Variants in MCU observed in about 807,000 individuals in gnomAD.
MCU encodes the protein calcium uniporter protein, mitochondrial.
In MCU, 12 loss-of-function variants were observed where a neutral mutation model predicts 45.2. The observed-to-expected ratio is 0.27, with a 90% CI of 0.17 to 0.43. The LOEUF is 0.43. Among genes scored for constraint, MCU ranks in the 20% least tolerant of loss-of-function variants. The pLI is 1.00. For synonymous variants in MCU, 160 were observed against 165.1 expected (o/e 0.97, Z 0.24); for missense variants, 324 against 436.7 (o/e 0.74, Z 2.30).
At chr10:72,789,835 T>G (rs1456096652) in intron 1 of MCU, among the ~76,000 whole-genome samples, 1 of 152,234 alleles carries the variant, frequency 6.6e-6, no homozygotes, top group Non-Finnish European at 1.5e-5. Context: ...ATCTACTTTC[T>G]GGCATGAAAG....
intron 2 of MCU, among the ~76,000 whole-genome samples, chr10:72,840,628 A>C (rs1354930354): frequency 2.0e-5 from 3 of 152,212 alleles, no homozygotes; most frequent in Non-Finnish European, 4.4e-5. Context: ...CTTGACAACA[A>C]AAAAGAAATG....
At chr10:72,821,797 G>A (rs1285477470) in intron 1 of MCU, among the ~76,000 whole-genome samples, 1 of 152,082 alleles carries the variant, frequency 6.6e-6, no homozygotes, top group Non-Finnish European at 1.5e-5. Flanking sequence ...AGGTATTACA[G>A]GGTTCTTGCT....
intron 4 of MCU, among the ~76,000 whole-genome samples, chr10:72,865,771 T>TTG (rs1554828842): frequency 2.7e-5 from 4 of 149,996 alleles, no homozygotes; most frequent in African/African-American, 9.9e-5. Flanking sequence ...TTGTTTTTTT[T>TTG]TTTGTTTTTT....
At chr10:72,715,799 C>G (rs1842949288) in intron 1 of MCU, 1 of 871,484 alleles carries the variant, frequency 1.1e-6, no homozygotes, top group African/African-American at 1.8e-5. Context: ...ATTAACACAT[C>G]CCCTGTATGT....
intron 1 of MCU, among the ~76,000 whole-genome samples, chr10:72,769,184 G>A (rs1843770778): frequency 6.6e-6 from 1 of 152,054 alleles, no homozygotes; most frequent in African/African-American, 2.4e-5. Context: ...CTTGATCTTA[G>A]TGTCAGTGGA....
intron 1 of MCU, among the ~76,000 whole-genome samples, chr10:72,713,854 T>A (rs1403670614): frequency 6.6e-6 from 1 of 152,080 alleles, no homozygotes; most frequent in African/African-American, 2.4e-5. Flanking sequence ...TTAAAAAATG[T>A]TTCTTATTTC....
At chr10:72,749,123 ATGT>A (rs1564546080) in intron 1 of MCU, among the ~76,000 whole-genome samples, 1 of 151,804 alleles carries the variant, frequency 6.6e-6, no homozygotes. Context: ...GAAAAAAAAA[ATGT>A]TGTTTTTTTT....
intron 1 of MCU, among the ~76,000 whole-genome samples, chr10:72,774,411 A>G (rs1843859233): frequency 1.3e-5 from 2 of 152,162 alleles, no homozygotes; most frequent in Admixed American, 1.3e-4. Context: ...AACCTATAAT[A>G]GACTTACTAA....
chr10:72,744,228 A>G (rs1263572487), intron 1 of MCU, among the ~76,000 whole-genome samples: 1 of 145,780 alleles, frequency 6.9e-6, no homozygotes, highest in Non-Finnish European at 1.5e-5. Context: ...GTATCCAAAG[A>G]TGCTTTTTTT....
chr10:72,802,402 C>G (rs577552045), intron 1 of MCU, among the ~76,000 whole-genome samples: 23 of 145,360 alleles, frequency 1.6e-4, no homozygotes, highest in African/African-American at 5.8e-4. Context: ...GCTGTTTGAG[C>G]TTTCTTTAAA....
At chr10:72,791,269 A>T (rs1349119895) in intron 1 of MCU, among the ~76,000 whole-genome samples, 1 of 152,228 alleles carries the variant, frequency 6.6e-6, no homozygotes, top group Non-Finnish European at 1.5e-5. Context: ...TATGAAGCTC[A>T]GCTGCTGGCT....
At chr10:72,775,811 T>C (rs1721721345) in intron 1 of MCU, among the ~76,000 whole-genome samples, 1 of 152,080 alleles carries the variant, frequency 6.6e-6, no homozygotes, top group South Asian at 2.1e-4. Context: ...CCTACCAAGA[T>C]TGAACCACGA....
chr10:72,823,357 G>A (rs765235850), intron 1 of MCU, among the ~76,000 whole-genome samples: 3 of 152,166 alleles, frequency 2.0e-5, no homozygotes, highest in Non-Finnish European at 4.4e-5. Flanking sequence ...ATGCAAATAA[G>A]CATCTGCTGG....
At chr10:72,826,992 C>T (rs1050796936) in intron 1 of MCU, among the ~76,000 whole-genome samples, 4 of 152,052 alleles carry the variant, frequency 2.6e-5, no homozygotes, top group Non-Finnish European at 5.9e-5. Flanking sequence ...TCTTACTGTG[C>T]CTAATTTATA....
At chr10:72,832,934 A>ATGTGTGTGTGTGTGTGTGTGTG (rs6143982) in intron 1 of MCU, among the ~76,000 whole-genome samples, 14,589 of 143,662 alleles carry the variant, frequency 0.1, 1,043 homozygotes, top group Middle Eastern at 0.16. Context: ...ACCAATAGCT[A>ATGTGTGTGTGTGTGTGTGTGTG]TGTGTGTGTG....
intron 1 of MCU, among the ~76,000 whole-genome samples, chr10:72,703,834 T>C (rs746848158): frequency 1.3e-5 from 2 of 152,018 alleles, no homozygotes; most frequent in African/African-American, 2.4e-5. Context: ...AGGCAGAGGC[T>C]GCAGTGAGCA....
At chr10:72,734,798 T>G (rs976764046) in intron 1 of MCU, among the ~76,000 whole-genome samples, 35 of 152,126 alleles carry the variant, frequency 2.3e-4, no homozygotes, top group African/African-American at 5.1e-4. Flanking sequence ...ATTTTTTTTT[T>G]TGTGGAGACA....
chr10:72,693,066 G>A (rs1262142112), intron 1 of MCU: 2 of 1,536,118 alleles, frequency 1.3e-6, no homozygotes, highest in East Asian at 2.4e-5. Flanking sequence ...AAGCGAATAT[G>A]GTAAGTTGTT....
intron 1 of MCU, among the ~76,000 whole-genome samples, chr10:72,808,660 G>C (rs918568165): frequency 3.3e-5 from 5 of 152,190 alleles, no homozygotes; most frequent in Admixed American, 3.3e-4. Context: ...TAAAGAAGAG[G>C]TTTAGTTGAC....
Sources: allele counts gnomAD v4.1 joint callset (sites outside exome capture counted in the v4.1 genomes callset), GRCh38; gene constraint gnomAD v4.1.1; transcripts MANE v1.5; gene names NCBI Gene and HGNC (gene_info 2026-07-23, HGNC 2026-07-21).